DGKG: variants seen among roughly 807,000 people sequenced by gnomAD.
The protein encoded by DGKG is diacylglycerol kinase gamma, also known as DAG kinase gamma.
A neutral mutation model predicts 105.3 loss-of-function variants in DGKG; 78 were observed. The ratio of observed to expected loss-of-function variants is 0.74; its 90% CI spans 0.62 to 0.89. DGKG has a LOEUF of 0.89. DGKG is among the 40% of genes least tolerant of loss of function. The pLI, the probability that DGKG is intolerant of heterozygous loss-of-function variation, is 0.00. For synonymous variants in DGKG, 346 were observed against 367.1 expected (o/e 0.94, Z 0.66); for missense variants, 958 against 1,020.1 (o/e 0.94, Z 0.83).
chr3:186,282,969 C>T lies in DGKG; in HGVS notation c.594+1691G>A, dbSNP rs566575978. 5.3e-5 allele frequency among the ~76,000 whole-genome samples: 8 copies of T among 151,532 alleles called. No homozygotes were observed. In the East Asian group the frequency reaches 1.4e-3, roughly 26 times the overall value. On this transcript the variant is annotated intron_variant, in intron 7 of 24. Coordinates refer to ENST00000265022, the MANE Select transcript of DGKG (RefSeq NM_001346.3). The stretch of plus-strand genomic sequence containing the variant: ...CTGTCGCCCAGGCTGGAGTAAGTGG[C>T]GTGATCTTGGCTCACTGCAACCTCC...
At chr3:186,355,903 T>C (rs972883261) in intron 1 of DGKG, among the ~76,000 whole-genome samples, 1 of 152,206 alleles carries the variant, frequency 6.6e-6, no homozygotes, top group Non-Finnish European at 1.5e-5. Flanking sequence ...TGGAATGAGC[T>C]TTTAGGATTG....
intron 20 of DGKG, among the ~76,000 whole-genome samples, chr3:186,233,884 G>C (rs979613974): frequency 2.0e-5 from 3 of 152,204 alleles, no homozygotes; most frequent in Admixed American, 2.0e-4. Flanking sequence ...AGCCGACTGA[G>C]GTTCAGGGAG....
At chr3:186,332,225 C>T (rs1231390788) in intron 1 of DGKG, among the ~76,000 whole-genome samples, 1 of 152,160 alleles carries the variant, frequency 6.6e-6, no homozygotes, top group East Asian at 1.9e-4. Context: ...TTATATTAAA[C>T]ATGAGCACAG....
intron 24 of DGKG, among the ~76,000 whole-genome samples, chr3:186,150,521 G>T (rs921134813): frequency 6.6e-6 from 1 of 152,170 alleles, no homozygotes; most frequent in Admixed American, 6.5e-5. Flanking sequence ...CGACCCCTCT[G>T]CAGGAGCCCA....
intron 18 of DGKG, 106 bp from the exon 19 acceptor site, chr3:186,252,025 G>T: frequency 9.1e-7 from 1 of 1,098,466 alleles, no homozygotes. Context: ...TGTGACTATG[G>T]GACTCCCCAC....
At chr3:186,172,946 A>G (rs1716892564) in intron 22 of DGKG, among the ~76,000 whole-genome samples, 2 of 152,206 alleles carry the variant, frequency 1.3e-5, no homozygotes, top group Admixed American at 1.3e-4. Context: ...ACGGTTCTGG[A>G]GGCTGGAAGT....
intron 19 of DGKG, among the ~76,000 whole-genome samples, chr3:186,245,891 A>C (rs1226631272): frequency 1.3e-5 from 2 of 151,388 alleles, no homozygotes; most frequent in Non-Finnish European, 2.9e-5. Flanking sequence ...CCACATAAAA[A>C]AGTAAAAACA....
chr3:186,289,154 G>C (rs1723202305), intron 5 of DGKG, among the ~76,000 whole-genome samples: 1 of 152,178 alleles, frequency 6.6e-6, no homozygotes, highest in East Asian at 1.9e-4. Context: ...AGATGATAGT[G>C]ATTATTGGTA....
intron 22 of DGKG, among the ~76,000 whole-genome samples, chr3:186,176,398 C>T (rs1284139041): frequency 2.0e-5 from 3 of 152,200 alleles, no homozygotes; most frequent in Non-Finnish European, 2.9e-5. Context: ...ACAGCACCTA[C>T]TATTGAGAGA....
At chr3:186,259,511 C>T (rs1361477848) in intron 16 of DGKG, among the ~76,000 whole-genome samples, 17 of 152,218 alleles carry the variant, frequency 1.1e-4, no homozygotes, top group Non-Finnish European at 1.0e-4. Flanking sequence ...TGTACTACCG[C>T]TGCCATAAAC....
At chr3:186,166,759 A>T (rs1045168719) in intron 22 of DGKG, among the ~76,000 whole-genome samples, 2 of 151,524 alleles carry the variant, frequency 1.3e-5, no homozygotes, top group Non-Finnish European at 1.5e-5. Flanking sequence ...TGATGTTGGG[A>T]TAGGAGAGAG....
chr3:186,257,665 T>G, intron 17 of DGKG, 189 bp downstream of exon 17: 1 of 540,216 alleles, frequency 1.9e-6, no homozygotes, highest in Non-Finnish European at 3.3e-6. Context: ...GAGGGAATCA[T>G]TCGATTGTCT....
chr3:186,215,988 AC>A (rs1719270245), intron 20 of DGKG, among the ~76,000 whole-genome samples: 1 of 150,406 alleles, frequency 6.6e-6, no homozygotes, highest in Non-Finnish European at 1.5e-5. Context: ...CCCCTGCCCC[AC>A]CCCCCAAACC....
chr3:186,327,023 G>C (rs541013176), intron 1 of DGKG, among the ~76,000 whole-genome samples: 1 of 152,220 alleles, frequency 6.6e-6, no homozygotes, highest in East Asian at 1.9e-4. Flanking sequence ...AATTCACCAG[G>C]CATGGTGGTG....
intron 20 of DGKG, among the ~76,000 whole-genome samples, chr3:186,232,830 C>A (rs1412049721): frequency 6.6e-6 from 1 of 152,036 alleles, no homozygotes; most frequent in African/African-American, 2.4e-5. Flanking sequence ...GTTTATCTGC[C>A]TATATTAGAG....
chr3:186,258,507 A>T (rs1248373243), intron 16 of DGKG, among the ~76,000 whole-genome samples: 2 of 152,162 alleles, frequency 1.3e-5, no homozygotes, highest in Non-Finnish European at 2.9e-5. Context: ...AAAATAATAC[A>T]TTCTTATTTT....
intron 20 of DGKG, among the ~76,000 whole-genome samples, chr3:186,222,919 C>T (rs1719659293): frequency 6.7e-6 from 1 of 148,774 alleles, no homozygotes; most frequent in South Asian, 2.2e-4. Flanking sequence ...CAGAGGTGGC[C>T]ACTGCACTCC....
intron 20 of DGKG, among the ~76,000 whole-genome samples, chr3:186,218,112 G>C (rs1719385002): frequency 6.6e-6 from 1 of 152,096 alleles, no homozygotes; most frequent in African/African-American, 2.4e-5. Context: ...TGCACCAGCG[G>C]GCAGAGCTGC....
chr3:186,300,216 T>A (rs1033420403), intron 3 of DGKG, among the ~76,000 whole-genome samples: 2 of 152,174 alleles, frequency 1.3e-5, no homozygotes, highest in African/African-American at 4.8e-5. Flanking sequence ...CAGCATTTTC[T>A]TTTCATTTAC....
Sources: gnomAD v4.1 joint callset for allele counts (sites outside exome capture counted in the v4.1 genomes callset) on GRCh38, gnomAD v4.1.1 for gene constraint, MANE v1.5 for transcripts, NCBI Gene and HGNC (gene_info 2026-07-23, HGNC 2026-07-21) for gene names.